The following YIPF1 variants were observed in gnomAD, a reference collection of about 807,000 sequenced individuals.
YIPF1 encodes Yip1 domain family member 1.
YIPF1 carries 22 observed loss-of-function variants against 37.0 expected under a neutral mutation model. The observed-to-expected ratio is 0.59, with a 90% CI of 0.42 to 0.85. The LOEUF (loss-of-function observed/expected upper bound fraction) is 0.85. Ranked by LOEUF, YIPF1 falls within the 40% of genes least tolerant of loss-of-function variation. The pLI is 0.00. For missense variants in YIPF1, 355 were observed against 373.1 expected, an observed-to-expected ratio of 0.95 and a Z score of 0.40; for synonymous variants, 128 against 131.9, an observed-to-expected ratio of 0.97 and a Z score of 0.21.
intron 7 of YIPF1, among the ~76,000 whole-genome samples, chr1:53,867,170 T>G (rs1650052098): frequency 6.6e-6 from 1 of 152,178 alleles, no homozygotes. Context: ...ATCAATAGTC[T>G]CTCATATGGT....
Position 53,852,227 on chromosome 1 carries a change from G to A in YIPF1, c.*52C>T, listed in dbSNP as rs1296969305. On this transcript the variant is annotated 3_prime_UTR_variant, in exon 11 of 11. Coordinates refer to ENST00000072644, the MANE Select transcript of YIPF1 (RefSeq NM_018982.5). ...CTGCTCATTCTGCTTTCCTGCAGTG[G>A]ATGCCACTTCCCAAAGAACCATGCT... 6.6e-6 allele frequency: 1 copy of A among 152,140 alleles called. No individual in the cohort carries two copies. The highest frequency in any genetic ancestry group is 2.4e-5 in the African/African-American group (1 of 41,412). The allele number at this position is 152,140 out of a possible 1,614,324, so 9.4% of individuals were successfully genotyped here.
At chr1:53,884,335 T>C (rs1260781168) in intron 3 of YIPF1, among the ~76,000 whole-genome samples, 4 of 151,922 alleles carry the variant, frequency 2.6e-5, no homozygotes, top group Admixed American at 1.3e-4. Flanking sequence ...TTTCTTCACA[T>C]AGTGAGATTC....
chr1:53,879,747 G>A (rs1217175573), intron 4 of YIPF1, among the ~76,000 whole-genome samples: 1 of 152,226 alleles, frequency 6.6e-6, no homozygotes, highest in Non-Finnish European at 1.5e-5. Flanking sequence ...ACGGATGGCC[G>A]ATTAGAAGTA....
At chr1:53,862,068 T>A (rs1203077506) in intron 9 of YIPF1, among the ~76,000 whole-genome samples, 1 of 152,218 alleles carries the variant, frequency 6.6e-6, no homozygotes, top group Non-Finnish European at 1.5e-5. Flanking sequence ...ATTCTATGAT[T>A]CATTAATTCC....
intron 6 of YIPF1, among the ~76,000 whole-genome samples, chr1:53,876,812 G>C (rs923976478): frequency 6.6e-6 from 1 of 152,144 alleles, no homozygotes; most frequent in Non-Finnish European, 1.5e-5. Context: ...CCTAATAATA[G>C]TGTCTGGCAC....
At chr1:53,886,986 A>G (rs1650671877) in intron 3 of YIPF1, among the ~76,000 whole-genome samples, 1 of 151,952 alleles carries the variant, frequency 6.6e-6, no homozygotes, top group Non-Finnish European at 1.5e-5. Flanking sequence ...TTGGGCAGAG[A>G]CAGAAAGGAC....
intron 7 of YIPF1, among the ~76,000 whole-genome samples, 161 bp downstream of exon 7, chr1:53,871,211 T>C (rs1224134358): frequency 6.6e-6 from 1 of 151,614 alleles, no homozygotes; most frequent in Non-Finnish European, 1.5e-5. Context: ...TTTATATAGA[T>C]GGGTGGTAAA....
At chr1:53,872,415 T>A (rs1650216803) in intron 6 of YIPF1, among the ~76,000 whole-genome samples, 1 of 152,234 alleles carries the variant, frequency 6.6e-6, no homozygotes, top group East Asian at 1.9e-4. Flanking sequence ...CAGCTACTCA[T>A]AAAAATCAGC....
chr1:53,868,091 T>C (rs1650080493), intron 7 of YIPF1, among the ~76,000 whole-genome samples: 1 of 152,244 alleles, frequency 6.6e-6, no homozygotes, highest in African/African-American at 2.4e-5. Context: ...AAGACATGAA[T>C]GTCCAAAACA....
At chr1:53,856,577 T>C (rs1448411064) in intron 10 of YIPF1, among the ~76,000 whole-genome samples, 4 of 152,162 alleles carry the variant, frequency 2.6e-5, no homozygotes, top group Non-Finnish European at 5.9e-5. Context: ...CAGACTACTT[T>C]TTCCAGAACA....
chr1:53,885,794 TG>T (rs1236310067), intron 3 of YIPF1, among the ~76,000 whole-genome samples: 1 of 134,758 alleles, frequency 7.4e-6, no homozygotes, highest in Admixed American at 8.2e-5. Context: ...CACTCCAGCC[TG>T]GGTGACAGAG....
intron 6 of YIPF1, among the ~76,000 whole-genome samples, chr1:53,874,587 T>C (rs970808292): frequency 2.6e-5 from 4 of 151,892 alleles, no homozygotes; most frequent in African/African-American, 9.7e-5. Context: ...GCCAACATGG[T>C]AAAACTCCGT....
intron 6 of YIPF1, among the ~76,000 whole-genome samples, chr1:53,873,016 C>G (rs1650234768): frequency 6.6e-6 from 1 of 152,160 alleles, no homozygotes. Context: ...TATAGATGAG[C>G]TGAGACCATC....
intron 6 of YIPF1, among the ~76,000 whole-genome samples, chr1:53,872,492 C>T (rs977344875): frequency 6.6e-6 from 1 of 152,188 alleles, no homozygotes. Flanking sequence ...TTACAAACCT[C>T]TTTCATTATT....
At chr1:53,866,492 C>G in intron 8 of YIPF1, 110 bp from the exon 9 acceptor site, 1 of 1,230,036 alleles carries the variant, frequency 8.1e-7, no homozygotes, top group East Asian at 2.5e-5. Context: ...GCCCCCATTG[C>G]CACTCTGGTT....
In YIPF1 at chr1:53,871,489, CT is replaced by C; in HGVS notation, c.365-2del. On this transcript the variant is annotated splice_acceptor_variant, in intron 6 of 10. Transcript: ENST00000072644. LOFTEE classifies it high-confidence loss of function. ...AACGTGGCACATATCCAAAAGGGGC[CT>C]GCAAAGGAAACCAGAAAATTCAGAA... The C allele has an allele frequency of 6.2e-7, 1 of 1,609,834 alleles. No individual in the cohort carries two copies. Among genetic ancestry groups the C allele is most frequent in the Non-Finnish European group, 8.5e-7 (1 of 1,178,076 alleles).
intron 7 of YIPF1, among the ~76,000 whole-genome samples, chr1:53,869,029 T>C (rs183438733): frequency 1.3e-5 from 2 of 152,186 alleles, no homozygotes; most frequent in Admixed American, 6.5e-5. Context: ...GGTTATTTGA[T>C]AGAGTTGGGA....
chr1:53,857,268 C>A (rs1380048389), intron 10 of YIPF1, among the ~76,000 whole-genome samples: 1 of 152,216 alleles, frequency 6.6e-6, no homozygotes, highest in Non-Finnish European at 1.5e-5. Context: ...GCAAGCTAAG[C>A]TATCCCCACA....
At chr1:53,863,750 G>GT (rs1649946858) in intron 9 of YIPF1, among the ~76,000 whole-genome samples, 2 of 151,228 alleles carry the variant, frequency 1.3e-5, no homozygotes, top group East Asian at 1.9e-4. Flanking sequence ...TCTTTTTTTT[G>GT]TTTTTTTGAG....
Sources: gnomAD v4.1 joint callset for allele counts (sites outside exome capture counted in the v4.1 genomes callset) on GRCh38, gnomAD v4.1.1 for gene constraint, MANE v1.5 for transcripts, NCBI Gene and HGNC (gene_info 2026-07-23, HGNC 2026-07-21) for gene names.